Variants in ASTN1 observed in about 807,000 individuals in gnomAD.
The protein encoded by ASTN1 is astrotactin-1.
ASTN1 carries 41 observed loss-of-function variants against 140.7 expected under a neutral mutation model. That is an observed-to-expected ratio of 0.29 (90% CI 0.23 to 0.38). The LOEUF (loss-of-function observed/expected upper bound fraction) is 0.38, where lower values mean the gene tolerates loss of function less well. ASTN1 is among the 10% of genes least tolerant of loss of function. ASTN1 has a pLI of 1.00. For synonymous variants in ASTN1, 640 were observed against 652.2 expected, an observed-to-expected ratio of 0.98 and a Z score of 0.29; for missense variants, 1,479 against 1,678.8, an observed-to-expected ratio of 0.88 and a Z score of 2.08.
chr1:176,920,334 C>A (rs566897482), intron 16 of ASTN1, among the ~76,000 whole-genome samples: 63 of 152,300 alleles, frequency 4.1e-4, no homozygotes, highest in African/African-American at 1.5e-3. Context: ...GCCAATGGAC[C>A]TCTAGCAATC....
At chr1:176,957,927 T>C in intron 10 of ASTN1, 99 bp from the exon 11 acceptor site, 1 of 1,343,808 alleles carries the variant, frequency 7.4e-7, no homozygotes, top group Non-Finnish European at 1.0e-6. Flanking sequence ...AACTGAATTG[T>C]GTCTCACTCT....
chr1:176,912,500 T>C (rs964864654), intron 16 of ASTN1, among the ~76,000 whole-genome samples: 3 of 152,338 alleles, frequency 2.0e-5, no homozygotes, highest in Middle Eastern at 6.8e-3. Flanking sequence ...CAGATTTGCC[T>C]GCAGGTCATA....
chr1:177,075,128 C>T (rs1357478747), intron 1 of ASTN1, among the ~76,000 whole-genome samples: 1 of 152,060 alleles, frequency 6.6e-6, no homozygotes, highest in East Asian at 1.9e-4. Context: ...GGCTGGAGTG[C>T]AATGGCGTGA....
At chr1:176,891,889 A>G (rs1172243423) in intron 17 of ASTN1, among the ~76,000 whole-genome samples, 1 of 152,206 alleles carries the variant, frequency 6.6e-6, no homozygotes, top group Non-Finnish European at 1.5e-5. Flanking sequence ...CACAATGGGA[A>G]TTACATGAAG....
At chr1:177,001,632 G>A (rs1036507254) in intron 8 of ASTN1, among the ~76,000 whole-genome samples, 4 of 152,124 alleles carry the variant, frequency 2.6e-5, no homozygotes, top group South Asian at 4.1e-4. Flanking sequence ...TTCCCATTAC[G>A]TTCTGCTGCC....
intron 1 of ASTN1, among the ~76,000 whole-genome samples, chr1:177,076,580 G>A (rs1489225905): frequency 3.3e-5 from 5 of 151,398 alleles, no homozygotes; most frequent in African/African-American, 7.3e-5. Flanking sequence ...GGAGTGCAGT[G>A]GCAAGATCTT....
At chr1:176,975,598 T>A (rs1366648273) in intron 8 of ASTN1, among the ~76,000 whole-genome samples, 1 of 152,236 alleles carries the variant, frequency 6.6e-6, no homozygotes, top group Non-Finnish European at 1.5e-5. Flanking sequence ...TCCCCTTGCC[T>A]GTGTTTTCAT....
At chr1:177,073,555 C>T (rs1678746684) in intron 1 of ASTN1, among the ~76,000 whole-genome samples, 2 of 148,524 alleles carry the variant, frequency 1.3e-5, no homozygotes, top group South Asian at 4.5e-4. Flanking sequence ...ATATTTCTTT[C>T]ATCCTTATTT....
chr1:176,903,854 C>G (rs927223916), intron 16 of ASTN1, among the ~76,000 whole-genome samples: 1 of 152,170 alleles, frequency 6.6e-6, no homozygotes, highest in African/African-American at 2.4e-5. Flanking sequence ...CCTTTGAAAA[C>G]TCTAGGGAAA....
intron 1 of ASTN1, among the ~76,000 whole-genome samples, chr1:177,096,937 G>C (rs1253144730): frequency 2.0e-5 from 3 of 152,140 alleles, no homozygotes; most frequent in Non-Finnish European, 4.4e-5. Context: ...ACAGCATGAA[G>C]GCACCATCTC....
chr1:177,056,149 T>C (rs1391127258), intron 2 of ASTN1, among the ~76,000 whole-genome samples: 1 of 152,192 alleles, frequency 6.6e-6, no homozygotes, highest in Admixed American at 6.5e-5. Flanking sequence ...ACTGGAAACA[T>C]GATCCTGGAG....
chr1:177,061,125 G>A lies in ASTN1; in HGVS notation c.424C>T (p.His142Tyr). 6.2e-7 allele frequency: 1 copy of A among 1,611,814 alleles called. No homozygotes were observed. Among genetic ancestry groups the A allele is most frequent in the Non-Finnish European group, 8.5e-7 (1 of 1,178,970 alleles). The change falls in exon 2 of 23, where the codon CAT becomes TAT. Residue 142 changes from histidine (H) to tyrosine (Y), a missense_variant. Around this residue, in one of 3 missense-constraint regions of ASTN1, gnomAD observed 729 missense variants for 860.4 expected, o/e 0.85. Transcript: ENST00000361833. Reference protein sequence around the residue: ...PGQDPTEEPQHESAEEELRIL... With the variant: ...PGQDPTEEPQYESAEEELRIL... ...CTCAGCTCCTCTTCTGCCGACTCAT[G>A]TTGGGGTTCTTCAGTGGGGTCTTGT...
intron 1 of ASTN1, among the ~76,000 whole-genome samples, chr1:177,111,207 T>G (rs1185915533): frequency 6.6e-6 from 1 of 152,236 alleles, no homozygotes; most frequent in African/African-American, 2.4e-5. Flanking sequence ...GTTTCGATTT[T>G]ACAATGGAGA....
chr1:176,918,002 T>G (rs2103069355), intron 16 of ASTN1, among the ~76,000 whole-genome samples: 1 of 152,256 alleles, frequency 6.6e-6, no homozygotes. Flanking sequence ...TTATAGTACT[T>G]TATTATTCTC....
Position 176,894,624 on chromosome 1 carries a change from G to A in ASTN1, c.2878C>T (p.Leu960=), listed in dbSNP as rs1459796018. The change falls in exon 17 of 23, where the codon CTG becomes TTG. Residue 960 remains leucine, a synonymous_variant. Transcript: ENST00000361833. ...SSPDTPAEPV[L]LEVTKAAPIY... ...GGGGCTGCTTTGGTCACCTCCAGCA[G>A]AACCGGCTCAGCAGGGGTGTCAGGG... The A allele has an allele frequency of 6.2e-7, 1 of 1,614,114 alleles. No homozygotes were observed. Among genetic ancestry groups the A allele is most frequent in the Non-Finnish European group, 8.5e-7 (1 of 1,180,032 alleles).
intron 1 of ASTN1, among the ~76,000 whole-genome samples, chr1:177,064,386 T>G (rs1340782085): frequency 6.6e-6 from 1 of 152,230 alleles, no homozygotes; most frequent in Non-Finnish European, 1.5e-5. Flanking sequence ...TTCACAAAGT[T>G]GTGCAGCCAC....
intron 1 of ASTN1, among the ~76,000 whole-genome samples, chr1:177,144,306 G>A (rs1224166141): frequency 6.6e-6 from 1 of 150,784 alleles, no homozygotes; most frequent in African/African-American, 2.4e-5. Flanking sequence ...AGGCTGGAGT[G>A]CAGTGGCGCG....
At chr1:177,141,318 G>A (rs137946766) in intron 1 of ASTN1, among the ~76,000 whole-genome samples, 5 of 152,244 alleles carry the variant, frequency 3.3e-5, no homozygotes, top group East Asian at 1.9e-4. Context: ...AGGACCTGGC[G>A]TGCAATGAAT....
intron 8 of ASTN1, among the ~76,000 whole-genome samples, chr1:176,995,949 C>T (rs538312692): frequency 6.6e-6 from 1 of 152,162 alleles, no homozygotes; most frequent in South Asian, 2.1e-4. Flanking sequence ...CATGCTGGAC[C>T]CTGGCAAGGG....
Sources: gnomAD v4.1 joint callset for allele counts (sites outside exome capture counted in the v4.1 genomes callset) on GRCh38, gnomAD v4.1.1 for gene constraint, gnomAD v4.1.1 regional missense constraint, MANE v1.5 for transcripts, NCBI Gene and HGNC (gene_info 2026-07-23, HGNC 2026-07-21) for gene names.